The following GASK1A variants were observed in gnomAD, a reference collection of about 807,000 sequenced individuals.
GASK1A encodes golgi associated kinase 1A, also known as Golgi-associated kinase 1A.
GASK1A carries 40 observed loss-of-function variants against 41.2 expected under a neutral mutation model. The observed-to-expected ratio is 0.97, with a 90% CI of 0.75 to 1.27. The LOEUF (loss-of-function observed/expected upper bound fraction) is 1.27, where lower values mean the gene tolerates loss of function less well. Ranked by LOEUF, GASK1A falls within the 50% of genes most tolerant of loss-of-function variation. GASK1A has a pLI of 0.00. For synonymous variants in GASK1A, 316 were observed against 307.1 expected (o/e 1.03, Z -0.30); for missense variants, 678 against 745.1 (o/e 0.91, Z 1.05).
intron 1 of GASK1A, among the ~76,000 whole-genome samples, chr3:43,029,066 TCTA>T (rs2089561875): frequency 6.6e-6 from 1 of 152,100 alleles, no homozygotes; most frequent in Admixed American, 6.5e-5. Context: ...GGGGATTTTC[TCTA>T]CTGTCTCCTC....
intron 1 of GASK1A, among the ~76,000 whole-genome samples, chr3:42,987,931 A>G (rs1047340609): frequency 2.8e-5 from 4 of 143,022 alleles, no homozygotes; most frequent in Non-Finnish European, 4.5e-5. Context: ...TCCAGGAGGC[A>G]GAGGCTGCAG....
At chr3:43,050,920 A>G (rs1264190501) in intron 2 of GASK1A, among the ~76,000 whole-genome samples, 1 of 152,038 alleles carries the variant, frequency 6.6e-6, no homozygotes, top group East Asian at 1.9e-4. Context: ...TCGTTCTCAT[A>G]CTTTACTTCT....
chr3:43,051,218 G>A (rs1211108447), intron 2 of GASK1A, among the ~76,000 whole-genome samples: 1 of 152,014 alleles, frequency 6.6e-6, no homozygotes, highest in Non-Finnish European at 1.5e-5. Context: ...TTATTTGCTT[G>A]TTTTATTTTT....
chr3:42,997,172 C>A (rs1250555880), intron 1 of GASK1A, among the ~76,000 whole-genome samples: 1 of 152,240 alleles, frequency 6.6e-6, no homozygotes, highest in Admixed American at 6.5e-5. Flanking sequence ...CCTGCCCACC[C>A]TCTACCCTCT....
In GASK1A at chr3:43,012,257, AGGGGCAGTGTGAGGTCACAG is replaced by A. The variant is rs1349795260; in HGVS notation, c.4-20008_4-19989del. 2.5e-3 allele frequency among the ~76,000 whole-genome samples: 376 copies of A among 151,638 alleles called. 1 individual carries two copies. The highest frequency in any genetic ancestry group is 8.6e-3 in the African/African-American group (351 of 41,038). The stretch of plus-strand genomic sequence containing the variant: ...GGAAGGGGCTTCTGAGGTCACAGGA[AGGGGCAGTGTGAGGTCACAG>A]GAAGGGGCTGTGTGAAGCCACTGGA... On this transcript the variant is annotated intron_variant, in intron 1 of 4. Coordinates refer to ENST00000430121, the MANE Select transcript of GASK1A (RefSeq NM_001129908.3).
chr3:43,004,204 A>G (rs1486264008), intron 1 of GASK1A, among the ~76,000 whole-genome samples: 1 of 152,160 alleles, frequency 6.6e-6, no homozygotes, highest in African/African-American at 2.4e-5. Flanking sequence ...GCATGTCTTC[A>G]ATGGGGAGAG....
chr3:43,017,945 C>T (rs1339007016), intron 1 of GASK1A, among the ~76,000 whole-genome samples: 1 of 151,758 alleles, frequency 6.6e-6, no homozygotes, highest in Admixed American at 6.6e-5. Flanking sequence ...TGTTAAGTCA[C>T]AGGAAGATTC....
intron 2 of GASK1A, chr3:43,037,050 T>G (rs578119): frequency 2.0e-6 from 1 of 493,928 alleles, no homozygotes; most frequent in Non-Finnish European, 3.6e-6. Context: ...TTCCAAGGTG[T>G]GAAAAATTAA....
chr3:42,997,041 C>T (rs1339685852), intron 1 of GASK1A, among the ~76,000 whole-genome samples: 2 of 152,256 alleles, frequency 1.3e-5, no homozygotes, highest in Non-Finnish European at 2.9e-5. Context: ...ATAGGCCGAG[C>T]AGTTTCAGAG....
Position 43,053,626 on chromosome 3 carries a change from CG to C in GASK1A, c.1398del (p.Leu467TrpfsTer30). The C allele has an allele frequency of 1.3e-6, 2 of 1,551,698 alleles. No homozygotes were observed. Among genetic ancestry groups the C allele is most frequent in the Non-Finnish European group, 1.7e-6 (2 of 1,146,990 alleles). The stretch of plus-strand genomic sequence containing the variant: ...GAAATGCCAGAACCCAGCCGAGCTG[CG>C]GCTGGTCCACATCCTGGTACGTCTC... ...REKCQNPAEL[R>X]LVHILVRSSD... On this transcript the variant is annotated frameshift_variant, in exon 3 of 5. Transcript: ENST00000430121. LOFTEE classifies it high-confidence loss of function.
chr3:42,999,940 C>A (rs1445864757), intron 1 of GASK1A, among the ~76,000 whole-genome samples: 1 of 152,070 alleles, frequency 6.6e-6, no homozygotes, highest in East Asian at 1.9e-4. Flanking sequence ...CTTTGCTGTC[C>A]CCTCTTCTGT....
chr3:43,004,476 C>G (rs1311580800), intron 1 of GASK1A, among the ~76,000 whole-genome samples: 1 of 152,106 alleles, frequency 6.6e-6, no homozygotes, highest in Non-Finnish European at 1.5e-5. Context: ...GAGCCTACAC[C>G]CACCCACCCT....
intron 1 of GASK1A, among the ~76,000 whole-genome samples, chr3:43,000,052 C>T (rs1410753119): frequency 1.3e-5 from 2 of 152,202 alleles, no homozygotes; most frequent in African/African-American, 4.8e-5. Flanking sequence ...AGAACCTTAA[C>T]TTTATCACAT....
At chr3:43,055,639 A>G in intron 4 of GASK1A, 104 bp downstream of exon 4, 5 of 792,034 alleles carry the variant, frequency 6.3e-6, no homozygotes, top group Non-Finnish European at 8.5e-6. Flanking sequence ...CCCACAGTCC[A>G]TCAGACAGAA....
intron 2 of GASK1A, among the ~76,000 whole-genome samples, chr3:43,040,572 C>G (rs547950495): frequency 1.3e-5 from 2 of 152,216 alleles, no homozygotes; most frequent in South Asian, 2.1e-4. Flanking sequence ...TACAGTCACT[C>G]TAGCCGAGAA....
intron 2 of GASK1A, 56 bp downstream of exon 2, chr3:43,033,609 G>A: frequency 1.4e-6 from 2 of 1,437,804 alleles, no homozygotes; most frequent in Non-Finnish European, 1.8e-6. Flanking sequence ...GGTTCTGGGT[G>A]GAGAGGCCTG....
chr3:43,040,230 A>G (rs1415741080), intron 2 of GASK1A, among the ~76,000 whole-genome samples: 2 of 152,162 alleles, frequency 1.3e-5, no homozygotes, highest in East Asian at 1.9e-4. Flanking sequence ...TCTCAGTGAC[A>G]TTTGTTGAAT....
chr3:43,025,922 A>G (rs960797609), intron 1 of GASK1A, among the ~76,000 whole-genome samples: 2 of 152,218 alleles, frequency 1.3e-5, no homozygotes, highest in Non-Finnish European at 2.9e-5. Context: ...TTTTCAGATA[A>G]ATTAGGAGGC....
intron 1 of GASK1A, among the ~76,000 whole-genome samples, chr3:43,012,154 A>T (rs2089466539): frequency 6.8e-6 from 1 of 147,976 alleles, no homozygotes; most frequent in South Asian, 2.2e-4. Context: ...GGGACTGTGG[A>T]AAGTCACAGG....
Sources: gnomAD v4.1 joint callset for allele counts (sites outside exome capture counted in the v4.1 genomes callset) on GRCh38, gnomAD v4.1.1 for gene constraint, MANE v1.5 for transcripts, NCBI Gene and HGNC (gene_info 2026-07-23, HGNC 2026-07-21) for gene names.